PPA2: variants seen among roughly 807,000 people sequenced by gnomAD.
PPA2 encodes inorganic pyrophosphatase 2, mitochondrial.
PPA2 carries 48 observed loss-of-function variants against 49.5 expected under a neutral mutation model. That is an observed-to-expected ratio of 0.97 (90% CI 0.77 to 1.23). The LOEUF (loss-of-function observed/expected upper bound fraction) is 1.23. PPA2 is among the 50% of genes most tolerant of loss of function. The pLI, the probability that PPA2 is intolerant of heterozygous loss-of-function variation, is 0.00. For synonymous variants in PPA2, 131 were observed against 139.9 expected (o/e 0.94, Z 0.45); for missense variants, 429 against 410.1 (o/e 1.05, Z -0.40).
Position 105,450,601 on chromosome 4 carries a change from C to CTTTTTTTTTTTTTTTTTTTTTTTTTTTTT in PPA2, c.268-1199_268-1198insAAAAAAAAAAAAAAAAAAAAAAAAAAAAA, listed in dbSNP as rs575896250. The stretch of plus-strand genomic sequence containing the variant: ...ATGCTGGCCAGGCTGGTCTGGAATT[C>CTTTTTTTTTTTTTTTTTTTTTTTTTTTTT]TTTTTTTTTTTTTTTTTTTTTTTTG... On this transcript the variant is annotated intron_variant, in intron 3 of 11. Coordinates refer to ENST00000341695, the MANE Select transcript of PPA2 (RefSeq NM_176869.3). Among the ~76,000 whole-genome samples, 5 of 82,664 alleles carry CTTTTTTTTTTTTTTTTTTTTTTTTTTTTT rather than the reference C, an allele frequency of 6.0e-5. 1 individual carries two copies. Among genetic ancestry groups the CTTTTTTTTTTTTTTTTTTTTTTTTTTTTT allele is most frequent in the Admixed American group, 1.6e-4 (1 of 6,220 alleles). The allele number at this position is 82,664 out of a possible 152,430, so 54.2% of individuals were successfully genotyped here. A position where few individuals can be genotyped will look rare whatever the true frequency, so the allele number is the denominator to read the frequency against.
At position 105,449,338 on chromosome 4, in the gene PPA2, G is replaced by T; in HGVS notation, c.321+12C>A. 1.3e-6 allele frequency: 2 copies of T among 1,492,764 alleles called. No homozygotes were observed. The highest frequency in any genetic ancestry group is 2.4e-5 in the East Asian group (1 of 41,224). 92.5% of individuals were successfully genotyped at this position (1,492,764 alleles called of 1,614,324 possible). ...ATCATTTCGGTTTCATATTAATAAA[G>T]TATATCGGTACCTCCATTTTAGCAT... is the stretch of plus-strand genomic sequence containing the variant. On this transcript the variant is annotated intron_variant, in intron 4 of 11. Transcript: ENST00000341695.
At chr4:105,394,164 C>A (rs879498016) in intron 9 of PPA2, among the ~76,000 whole-genome samples, 3 of 151,828 alleles carry the variant, frequency 2.0e-5, no homozygotes, top group African/African-American at 7.3e-5. Flanking sequence ...GCCAGGAATT[C>A]GAGACCACCC....
intron 7 of PPA2, among the ~76,000 whole-genome samples, chr4:105,403,831 T>C (rs1722334274): frequency 6.6e-6 from 1 of 152,094 alleles, no homozygotes; most frequent in South Asian, 2.1e-4. Context: ...ATATCTTTCA[T>C]ATAACCAAAT....
intron 9 of PPA2, among the ~76,000 whole-genome samples, chr4:105,392,129 C>T (rs1733946978): frequency 6.6e-6 from 1 of 152,036 alleles, no homozygotes; most frequent in African/African-American, 2.4e-5. Context: ...GAAGAGTAAA[C>T]TCAAATGTCA....
intron 7 of PPA2, among the ~76,000 whole-genome samples, chr4:105,410,892 CT>C (rs1265348265): frequency 2.6e-5 from 4 of 152,346 alleles, no homozygotes; most frequent in Admixed American, 2.6e-4. Context: ...CCAGGCCTGC[CT>C]TACAAGAGCT....
intron 6 of PPA2, among the ~76,000 whole-genome samples, chr4:105,432,197 C>A (rs1723838021): frequency 6.6e-6 from 1 of 152,138 alleles, no homozygotes; most frequent in Non-Finnish European, 1.5e-5. Flanking sequence ...CCCTTAAGTC[C>A]TCTCTCCTGA....
chr4:105,412,046 G>A (rs1030914909), intron 7 of PPA2, among the ~76,000 whole-genome samples: 5 of 152,032 alleles, frequency 3.3e-5, no homozygotes, highest in Non-Finnish European at 4.4e-5. Context: ...GTGACATGCC[G>A]ATCAAGCTAC....
At chr4:105,437,747 A>G (rs911388818) in intron 6 of PPA2, among the ~76,000 whole-genome samples, 13 of 152,212 alleles carry the variant, frequency 8.5e-5, no homozygotes, top group South Asian at 2.1e-4. Flanking sequence ...AACAGGTGTT[A>G]GGCTGGCTTT....
intron 7 of PPA2, among the ~76,000 whole-genome samples, chr4:105,419,331 C>T (rs1392431931): frequency 6.6e-6 from 1 of 152,116 alleles, no homozygotes. Context: ...CAACAGGCCC[C>T]GGTGTGTGAT....
Position 105,453,602 on chromosome 4 carries a change from T to C in PPA2, c.263A>G (p.Tyr88Cys), listed in dbSNP as rs758553541. 32 of 1,604,192 alleles carry C rather than the reference T, an allele frequency of 2.0e-5. No homozygotes were observed. The highest frequency in any genetic ancestry group is 2.6e-5 in the Non-Finnish European group (31 of 1,174,340). The stretch of plus-strand genomic sequence containing the variant: ...AATAAAAACCTTTGGATATACCTCA[T>C]ATTCATCATTTCGTGCTTTCTTCAT... Reference protein sequence around the residue: ...IPMKKARNDEYENLFNMIVEI... With the variant: ...IPMKKARNDECENLFNMIVEI... Residue 88 changes from tyrosine (Y) to cysteine (C), a missense_variant, in exon 3 of 12, where the codon TAT becomes TGT. By Grantham distance (194) the Tyr-to-Cys change is radical. Coordinates refer to ENST00000341695, the MANE Select transcript of PPA2 (RefSeq NM_176869.3).
At chr4:105,473,514 T>G in intron 1 of PPA2, 1 of 467,246 alleles carries the variant, frequency 2.1e-6, no homozygotes, top group South Asian at 1.7e-5. Flanking sequence ...TGCCTTCCCT[T>G]CCTCACTGAG....
intron 8 of PPA2, chr4:105,398,217 T>C (rs1734223328): frequency 6.6e-6 from 1 of 152,026 alleles, no homozygotes; most frequent in Non-Finnish European, 1.5e-5. Flanking sequence ...AAATAATGTA[T>C]AAATTTTCAA....
At chr4:105,447,842 T>G in intron 4 of PPA2, among the ~76,000 whole-genome samples, 1 of 151,722 alleles carries the variant, frequency 6.6e-6, no homozygotes, top group Non-Finnish European at 1.5e-5. Flanking sequence ...CAAGCAAATC[T>G]CATGCCTCAG....
chr4:105,395,361 T>C (rs1734096399), intron 9 of PPA2, among the ~76,000 whole-genome samples: 1 of 152,166 alleles, frequency 6.6e-6, no homozygotes, highest in Admixed American at 6.6e-5. Context: ...GTATTCATAG[T>C]GTTATCTTTA....
intron 7 of PPA2, 132 bp from the exon 8 acceptor site, chr4:105,399,296 C>G (rs1404385655): frequency 2.5e-6 from 2 of 785,842 alleles, no homozygotes; most frequent in Non-Finnish European, 4.0e-6. Flanking sequence ...ATTGTGATAC[C>G]TAGAGCAGCA....
intron 7 of PPA2, among the ~76,000 whole-genome samples, chr4:105,407,802 T>C (rs1400761538): frequency 6.6e-6 from 1 of 152,164 alleles, no homozygotes; most frequent in Non-Finnish European, 1.5e-5. Flanking sequence ...CAAACTATTG[T>C]GACAGAAAGT....
At chr4:105,433,574 G>T (rs1014046102) in intron 6 of PPA2, among the ~76,000 whole-genome samples, 3 of 152,174 alleles carry the variant, frequency 2.0e-5, no homozygotes, top group Non-Finnish European at 4.4e-5. Context: ...ATGCCTCCAG[G>T]GGTTAATAGC....
At chr4:105,389,443 A>G (rs1473738363) in intron 9 of PPA2, among the ~76,000 whole-genome samples, 2 of 141,764 alleles carry the variant, frequency 1.4e-5, no homozygotes, top group African/African-American at 5.5e-5. Context: ...TATAAACGAA[A>G]CTTAAAAAAA....
chr4:105,396,209 T>C (rs777188220), intron 9 of PPA2, 40 bp downstream of exon 9: 17 of 900,218 alleles, frequency 1.9e-5, no homozygotes, highest in Non-Finnish European at 2.5e-5. Context: ...TTAATACCAA[T>C]TAATATAACA....
Sources: gnomAD v4.1 joint callset for allele counts (sites outside exome capture counted in the v4.1 genomes callset) on GRCh38, gnomAD v4.1.1 for gene constraint, MANE v1.5 for transcripts, NCBI Gene and HGNC (gene_info 2026-07-23, HGNC 2026-07-21) for gene names.